BAG4: variants seen among roughly 807,000 people sequenced by gnomAD.
BAG4 encodes the protein BAG cochaperone 4, also known as BAG family molecular chaperone regulator 4.
A neutral mutation model predicts 52.1 loss-of-function variants in BAG4; 28 were observed. The ratio of observed to expected loss-of-function variants is 0.54; its 90% CI spans 0.40 to 0.74. The LOEUF (loss-of-function observed/expected upper bound fraction) is 0.74. BAG4 is among the 30% of genes least tolerant of loss of function. The pLI is 0.00. For synonymous variants in BAG4, 208 were observed against 217.0 expected (o/e 0.96, Z 0.37); for missense variants, 525 against 572.0 (o/e 0.92, Z 0.84).
intron 4 of BAG4, chr8:38,209,499 C>T: frequency 3.6e-6 from 2 of 552,758 alleles, no homozygotes; most frequent in Admixed American, 3.7e-5. Context: ...GAAAGATACA[C>T]ATTTTCTGTT....
At chr8:38,180,754 T>C (rs1803250209) in intron 1 of BAG4, among the ~76,000 whole-genome samples, 1 of 151,866 alleles carries the variant, frequency 6.6e-6, no homozygotes, top group African/African-American at 2.4e-5. Flanking sequence ...AAATGCAAAA[T>C]CTCTCCTCTT....
chr8:38,200,519 A>G (rs1803643779), intron 2 of BAG4, among the ~76,000 whole-genome samples: 1 of 151,828 alleles, frequency 6.6e-6, no homozygotes, highest in African/African-American at 2.4e-5. Context: ...GGTTTCGGCT[A>G]TTCTGGGTTG....
intron 2 of BAG4, among the ~76,000 whole-genome samples, chr8:38,200,044 C>G (rs758904522): frequency 6.7e-6 from 1 of 148,242 alleles, no homozygotes; most frequent in Non-Finnish European, 1.5e-5. Flanking sequence ...CTTGTTCTGT[C>G]GCCCAGGATG....
rs1803840614 is a variant in BAG4, at chr8:38,210,062, C to T, written c.943C>T (p.Pro315Ser). 2 of 1,614,212 alleles carry T rather than the reference C, an allele frequency of 1.2e-6. No homozygotes were observed. The highest frequency in any genetic ancestry group is 8.5e-7 in the Non-Finnish European group (1 of 1,180,044). ...SDQSMNRHNF[P>S]CSVHQYESSG... Reference sequence around the variant, plus strand: ...TCAAAGCATGAACCGGCACAACTTTCCTTGCAGTGTCCATCAGTACGAATC... The same window carrying T: ...TCAAAGCATGAACCGGCACAACTTTTCTTGCAGTGTCCATCAGTACGAATC... The change falls in exon 5 of 5, where the codon CCT becomes TCT. Residue 315 changes from proline (P) to serine (S), a missense_variant. Physicochemically the swap from Pro to Ser is moderately conservative, Grantham distance 74 (BLOSUM62 -1). Around this residue, in one of 2 missense-constraint regions of BAG4, gnomAD observed 238 missense variants for 305.8 expected, o/e 0.78. Coordinates refer to ENST00000287322, the MANE Select transcript of BAG4 (RefSeq NM_004874.4).
rs758467407 is a variant in BAG4 at position 38,206,274 on chromosome 8, TA to T, written c.379-1222del. The stretch of plus-strand genomic sequence containing the variant: ...TGGGTGACAGAGCAAGACTCCATCT[TA>T]AAAAAAAAAAAAAAAGTGATCCTCC... On this transcript the variant is annotated intron_variant, in intron 2 of 4. Coordinates refer to ENST00000287322, the MANE Select transcript of BAG4 (RefSeq NM_004874.4). 5.4e-3 allele frequency among the ~76,000 whole-genome samples: 688 copies of T among 127,488 alleles called. 2 individuals carry two copies. Among genetic ancestry groups the T allele is most frequent in the Admixed American group, 0.013 (158 of 12,624 alleles). 83.6% of individuals were successfully genotyped at this position (127,488 alleles called of 152,430 possible).
At chr8:38,191,621 G>A (rs1326152612) in intron 1 of BAG4, among the ~76,000 whole-genome samples, 1 of 152,042 alleles carries the variant, frequency 6.6e-6, no homozygotes, top group South Asian at 2.1e-4. Context: ...TTAGCTGGGC[G>A]TGGTGGCAGG....
chr8:38,196,435 C>T (rs997747633), intron 2 of BAG4, among the ~76,000 whole-genome samples: 1 of 151,740 alleles, frequency 6.6e-6, no homozygotes, highest in Non-Finnish European at 1.5e-5. Flanking sequence ...AGGCAGATCA[C>T]GAGGTCAGGA....
At chr8:38,188,608 C>CAT (rs200855968) in intron 1 of BAG4, among the ~76,000 whole-genome samples, 10 of 148,722 alleles carry the variant, frequency 6.7e-5, no homozygotes, top group East Asian at 5.9e-4. Flanking sequence ...TGCATGTATA[C>CAT]ATATATATAC....
In BAG4 at chr8:38,207,756, C is replaced by T. The variant is rs200494674; in HGVS notation, c.623C>T (p.Pro208Leu). 3.0e-5 allele frequency: 48 copies of T among 1,613,938 alleles called. No homozygotes were observed. Among genetic ancestry groups the T allele is most frequent in the South Asian group, 3.0e-4 (27 of 91,074 alleles). ...CTTAGGGGGCAGGTTCCAGGATATC[C>T]GCCTTCACAGGTGAGTTGTTTTCTA... ...PPLRGQVPGY[P>L]PSQNPGMTLP... Residue 208 changes from proline (P) to leucine (L), a missense_variant, in exon 3 of 5, where the codon CCG becomes CTG. Coordinates refer to ENST00000287322, the MANE Select transcript of BAG4 (RefSeq NM_004874.4).
chr8:38,204,670 G>C (rs187348323), intron 2 of BAG4, among the ~76,000 whole-genome samples: 4 of 150,358 alleles, frequency 2.7e-5, no homozygotes, highest in Admixed American at 6.6e-5. Flanking sequence ...CAAAAACAAC[G>C]CCTGTGAGAA....
At position 38,177,052 on chromosome 8, in the gene BAG4, C is replaced by T. The variant is rs1467915737; in HGVS notation, c.183C>T (p.Thr61=). 1.9e-6 allele frequency: 3 copies of T among 1,609,750 alleles called. No homozygotes were observed. The highest frequency in any genetic ancestry group is 1.3e-5 in the African/African-American group (1 of 74,916). The change falls in exon 1 of 5, where the codon ACC becomes ACT. Residue 61 remains threonine (T), a synonymous_variant. Coordinates refer to ENST00000287322, the MANE Select transcript of BAG4 (RefSeq NM_004874.4). ...RVRGGGPAET[T]WLGEGGGGDG... ...GCGGGGGCGGCCCGGCGGAGACCAC[C>T]TGGCTGGGAGAAGGCGGAGGAGGCG...
intron 2 of BAG4, among the ~76,000 whole-genome samples, chr8:38,200,012 T>C: frequency 6.7e-6 from 1 of 150,208 alleles, no homozygotes. Flanking sequence ...GTACCCCCTT[T>C]TTTTTTTTTT....
intron 2 of BAG4, among the ~76,000 whole-genome samples, chr8:38,193,226 C>G (rs1803504765): frequency 6.6e-6 from 1 of 151,968 alleles, no homozygotes; most frequent in African/African-American, 2.4e-5. Flanking sequence ...CAAGACCAGC[C>G]TGGCCAACAT....
In BAG4 at chr8:38,209,167, C is replaced by T. The variant is rs761524422; in HGVS notation, c.788C>T (p.Ser263Leu). The T allele has an allele frequency of 1.2e-6, 2 of 1,614,064 alleles. No homozygotes were observed. Among genetic ancestry groups the T allele is most frequent in the Non-Finnish European group, 1.7e-6 (2 of 1,180,040 alleles). Residue 263 changes from serine (S) to leucine (L), a missense_variant, in exon 4 of 5, where the codon TCA becomes TTA. Ser to Leu is a moderately radical substitution (Grantham distance 145). Around this residue, in one of 2 missense-constraint regions of BAG4, gnomAD observed 238 missense variants for 305.8 expected, o/e 0.78. Coordinates refer to ENST00000287322, the MANE Select transcript of BAG4 (RefSeq NM_004874.4). ...TATCCCTGGCCTTCATCAGCGCCCT[C>T]AGCACCACCCGGCAATCTCTACATG... ...GRYPWPSSAP[S>L]APPGNLYMTE...
At chr8:38,186,826 C>T (rs545420969) in intron 1 of BAG4, among the ~76,000 whole-genome samples, 6 of 152,306 alleles carry the variant, frequency 3.9e-5, no homozygotes, top group Admixed American at 1.3e-4. Context: ...TCTTTGTCAT[C>T]CAGGATGACT....
rs1803830004 is a variant in BAG4, at chr8:38,209,362, G to T, written c.888+95G>T. ...TCTGTACTGGTTTGTGTTAAATGGG[G>T]ACTAATTACAAAAAGTTGGTGACTA... On this transcript the variant is annotated intron_variant, in intron 4 of 4. Coordinates refer to ENST00000287322, the MANE Select transcript of BAG4 (RefSeq NM_004874.4). 2.6e-6 allele frequency: 4 copies of T among 1,514,026 alleles called. No individual in the cohort carries two copies. The South Asian group carries it at 5.2e-5, about 20-fold the overall frequency. 93.8% of individuals were successfully genotyped at this position (1,514,026 alleles called of 1,614,324 possible).
Position 38,181,886 on chromosome 8 carries a change from CAAAAAAAAAAAAAAAAAA to C in BAG4, c.270+4760_270+4777del, listed in dbSNP as rs34268146. ...CCTGGGCTGCCTAGCGAGACTATCT[CAAAAAAAAAAAAAAAAAA>C]AAAAAAAAAAAAGGAAGTAAGGGAA... On this transcript the variant is annotated intron_variant, in intron 1 of 4. Coordinates refer to ENST00000287322, the MANE Select transcript of BAG4 (RefSeq NM_004874.4). Among the ~76,000 whole-genome samples the C allele has an allele frequency of 1.6e-4, 6 of 37,246 alleles. No homozygotes were observed. In the East Asian group the frequency reaches 2.5e-3, roughly 16 times the overall value. The allele number at this position is 37,246 out of a possible 152,430, so 24.4% of individuals were successfully genotyped here.
intron 1 of BAG4, among the ~76,000 whole-genome samples, chr8:38,190,677 C>T (rs943130870): frequency 1.3e-5 from 2 of 151,134 alleles, no homozygotes; most frequent in African/African-American, 4.9e-5. Flanking sequence ...TCTCTGGCCC[C>T]AAGCAATCCT....
intron 1 of BAG4, among the ~76,000 whole-genome samples, chr8:38,179,198 C>T (rs914561027): frequency 3.9e-5 from 6 of 151,914 alleles, no homozygotes; most frequent in Admixed American, 1.3e-4. Context: ...CTTGCTCTGT[C>T]GCCCAGGCTG....
Sources: allele counts gnomAD v4.1 joint callset (sites outside exome capture counted in the v4.1 genomes callset), GRCh38; gene constraint gnomAD v4.1.1; regional missense constraint gnomAD v4.1.1; transcripts MANE v1.5; gene names NCBI Gene and HGNC (gene_info 2026-07-23, HGNC 2026-07-21).